Variants in PAFAH1B2 observed in about 807,000 individuals in gnomAD.
The protein encoded by PAFAH1B2 is platelet-activating factor acetylhydrolase IB subunit alpha2.
A neutral mutation model predicts 28.0 loss-of-function variants in PAFAH1B2; 8 were observed. The ratio of observed to expected loss-of-function variants is 0.29; its 90% CI spans 0.17 to 0.52. The LOEUF is 0.52. PAFAH1B2 is among the 20% of genes least tolerant of loss of function. The pLI is 0.97. For missense variants in PAFAH1B2, 190 were observed against 282.6 expected, an observed-to-expected ratio of 0.67 and a Z score of 2.35; for synonymous variants, 104 against 103.2, an observed-to-expected ratio of 1.01 and a Z score of -0.05.
Position 117,161,269 on chromosome 11 carries a change from G to T in PAFAH1B2, c.288+8G>T, listed in dbSNP as rs1296346658. The T allele has an allele frequency of 7.0e-7, 1 of 1,431,282 alleles. No homozygotes were observed. Among genetic ancestry groups the T allele is most frequent in the South Asian group, 1.3e-5 (1 of 78,392 alleles). 88.7% of individuals were successfully genotyped at this position (1,431,282 alleles called of 1,614,324 possible). A position where few individuals can be genotyped will look rare whatever the true frequency, so the allele number is the denominator to read the frequency against. On this transcript the variant is annotated splice_region_variant and intron_variant, in intron 4 of 5. Coordinates refer to ENST00000527958, the MANE Select transcript of PAFAH1B2 (RefSeq NM_002572.4). The stretch of plus-strand genomic sequence containing the variant: ...GAGAATATTAAGCCTAAGGTGAAAT[G>T]AAAGTTACTTGTCAATGTCATTAAT...
rs1956612296 is a variant in PAFAH1B2, at chr11:117,170,030, C to T, written c.*2331C>T. On this transcript the variant is annotated 3_prime_UTR_variant, in exon 6 of 6. Transcript: ENST00000527958. ...AGCTATTCAAGCAATAGTATTTGAA[C>T]CACTAGCCTTTTAAATAAAATTCTG... The T allele has an allele frequency of 9.5e-7, 1 of 1,054,482 alleles. No homozygotes were observed. Among genetic ancestry groups the T allele is most frequent in the Admixed American group, 5.4e-5 (1 of 18,360 alleles). The allele number at this position is 1,054,482 out of a possible 1,614,324, so 65.3% of individuals were successfully genotyped here. A position where few individuals can be genotyped will look rare whatever the true frequency, so the allele number is the denominator to read the frequency against.
chr11:117,175,183 G>A (rs2029904600), downstream of PAFAH1B2: 2 of 1,133,052 alleles, frequency 1.8e-6, no homozygotes, highest in Non-Finnish European at 2.2e-6. Context: ...TGAGCTCTTT[G>A]TATATTATGC....
intron 4 of PAFAH1B2, among the ~76,000 whole-genome samples, chr11:117,162,433 C>T (rs1337988510): frequency 6.8e-6 from 1 of 146,154 alleles, no homozygotes; most frequent in Non-Finnish European, 1.5e-5. Context: ...CTTGAGCTAC[C>T]ATGCGAGACT....
At chr11:117,165,504 A>G (rs1464965549) in intron 5 of PAFAH1B2, among the ~76,000 whole-genome samples, 4 of 152,224 alleles carry the variant, frequency 2.6e-5, no homozygotes, top group Non-Finnish European at 4.4e-5. Flanking sequence ...ACAAGGCACT[A>G]TCCTAGTTCT....
intron 4 of PAFAH1B2, 32 bp downstream of exon 4, chr11:117,161,293 A>G: frequency 1.5e-6 from 2 of 1,303,404 alleles, no homozygotes; most frequent in Non-Finnish European, 1.1e-6. Context: ...AATGTCATTA[A>G]TCTTAAGTCT....
chr11:117,175,456 C>T, downstream of PAFAH1B2: 6 of 1,073,948 alleles, frequency 5.6e-6, no homozygotes, highest in Non-Finnish European at 6.8e-6. Flanking sequence ...GCTGCCCTCC[C>T]ACTCTGTAGA....
Position 117,168,446 on chromosome 11 carries a change from G to GTTTTTTGTT in PAFAH1B2, c.*753_*754insGTTTTTTTT, listed in dbSNP as rs1956565765. 67 of 235,930 alleles carry GTTTTTTGTT rather than the reference G, an allele frequency of 2.8e-4. No homozygotes were observed. Among genetic ancestry groups the GTTTTTTGTT allele is most frequent in the Non-Finnish European group, 3.1e-4 (62 of 201,192 alleles). The allele number at this position is 235,930 out of a possible 1,614,324, so 14.6% of individuals were successfully genotyped here. A position where few individuals can be genotyped will look rare whatever the true frequency, so the allele number is the denominator to read the frequency against. On this transcript the variant is annotated 3_prime_UTR_variant, in exon 6 of 6. Transcript: ENST00000527958. ...TCCCCTTCATTCCCCCCGCCACCCC[G>GTTTTTTGTT]TTTTTTTTTTTTTTTTTTTTTTTTT...
At position 117,168,445 on chromosome 11, in the gene PAFAH1B2, C is replaced by CCTTT. The variant is rs1565274998; in HGVS notation, c.*746_*747insCTTT. ...TTCCCCTTCATTCCCCCCGCCACCC[C>CCTTT]GTTTTTTTTTTTTTTTTTTTTTTTT... On this transcript the variant is annotated 3_prime_UTR_variant, in exon 6 of 6. Coordinates refer to ENST00000527958, the MANE Select transcript of PAFAH1B2 (RefSeq NM_002572.4). The CCTTT allele has an allele frequency of 1.8e-4, 64 of 354,166 alleles. No homozygotes were observed. The highest frequency in any genetic ancestry group is 5.7e-4 in the Admixed American group (2 of 3,530). The allele number at this position is 354,166 out of a possible 1,614,324, so 21.9% of individuals were successfully genotyped here.
At chr11:117,161,826 G>C (rs1956376942) in intron 4 of PAFAH1B2, among the ~76,000 whole-genome samples, 1 of 152,026 alleles carries the variant, frequency 6.6e-6, no homozygotes, top group African/African-American at 2.4e-5. Context: ...GAGATTTGAT[G>C]CTAACGAGGT....
intron 5 of PAFAH1B2, among the ~76,000 whole-genome samples, chr11:117,167,079 T>C (rs954472111): frequency 6.6e-6 from 1 of 152,106 alleles, no homozygotes; most frequent in African/African-American, 2.4e-5. Context: ...TTTGGATCAG[T>C]TGGGAGTGCC....
downstream of PAFAH1B2, among the ~76,000 whole-genome samples, chr11:117,172,823 C>T (rs1337816475): frequency 6.6e-6 from 1 of 152,146 alleles, no homozygotes; most frequent in Non-Finnish European, 1.5e-5. Context: ...TGTGCCTCAG[C>T]CTACTGAGTA....
intron 1 of PAFAH1B2, among the ~76,000 whole-genome samples, chr11:117,146,647 T>TACGCCACTTCACTCCAGCTA (rs1555027152): frequency 1.3e-5 from 2 of 152,026 alleles, no homozygotes; most frequent in African/African-American, 2.4e-5. Flanking sequence ...TGAGCTGTGT[T>TACGCCACTTCACTCCAGCTA]ACGCCACTTC....
chr11:117,168,446 G>GTTTGGTGTTTTTTTTTTTTTTTTTTTT lies in PAFAH1B2; in HGVS notation c.*750_*751insGGTGTTTTTTTTTTTTTTTTTTTTTTT. ...TCCCCTTCATTCCCCCCGCCACCCC[G>GTTTGGTGTTTTTTTTTTTTTTTTTTTT]TTTTTTTTTTTTTTTTTTTTTTTTT... is the stretch of plus-strand genomic sequence containing the variant. On this transcript the variant is annotated 3_prime_UTR_variant, in exon 6 of 6. Coordinates refer to ENST00000527958, the MANE Select transcript of PAFAH1B2 (RefSeq NM_002572.4). 4.3e-6 allele frequency: 1 copy of GTTTGGTGTTTTTTTTTTTTTTTTTTTT among 234,820 alleles called. No homozygotes were observed. Among genetic ancestry groups the GTTTGGTGTTTTTTTTTTTTTTTTTTTT allele is most frequent in the Non-Finnish European group, 5.0e-6 (1 of 200,708 alleles). 14.5% of individuals were successfully genotyped at this position (234,820 alleles called of 1,614,324 possible).
intron 1 of PAFAH1B2, among the ~76,000 whole-genome samples, chr11:117,145,006 C>T (rs1015552005): frequency 6.6e-6 from 1 of 152,120 alleles, no homozygotes; most frequent in Non-Finnish European, 1.5e-5. Flanking sequence ...TTCTCCGTTG[C>T]CTCTTAGGAT....
intron 2 of PAFAH1B2, among the ~76,000 whole-genome samples, chr11:117,154,932 G>A (rs562198543): frequency 1.4e-4 from 22 of 152,116 alleles, no homozygotes; most frequent in Admixed American, 2.6e-4. Flanking sequence ...GAATGGAGAT[G>A]TTATTCTCTC....
downstream of PAFAH1B2, among the ~76,000 whole-genome samples, chr11:117,172,392 ATATATATATATATTTTTTTTTTTTTTT>A (rs1956687792): frequency 1.6e-3 from 3 of 1,924 alleles, no homozygotes; most frequent in Admixed American, 6.5e-3. Flanking sequence ...ATATATATAT[ATATATATATATATTTTTTTTTTTTTTT>A]TTTTTTTTTT....
intron 1 of PAFAH1B2, among the ~76,000 whole-genome samples, chr11:117,145,552 GA>G (rs965745090): frequency 7.2e-5 from 11 of 152,316 alleles, no homozygotes; most frequent in African/African-American, 2.6e-4. Context: ...ACATTGTTCT[GA>G]CATAAAGGTT....
In PAFAH1B2 at chr11:117,170,442, C is replaced by A. The variant is rs1228602326; in HGVS notation, c.*2743C>A. 9.4e-7 allele frequency: 1 copy of A among 1,059,566 alleles called. No individual in the cohort carries two copies. Among genetic ancestry groups the A allele is most frequent in the African/African-American group, 1.7e-5 (1 of 60,382 alleles). The allele number at this position is 1,059,566 out of a possible 1,614,324, so 65.6% of individuals were successfully genotyped here. ...TTGAAGATGTACTGCCACGGGTGAT[C>A]TAGGGCAGGCTGTCTTCCAGTCCAT... On this transcript the variant is annotated 3_prime_UTR_variant, in exon 6 of 6. Coordinates refer to ENST00000527958, the MANE Select transcript of PAFAH1B2 (RefSeq NM_002572.4).
chr11:117,156,695 C>T (rs1249978219), intron 2 of PAFAH1B2, among the ~76,000 whole-genome samples: 3 of 152,122 alleles, frequency 2.0e-5, no homozygotes, highest in African/African-American at 7.2e-5. Flanking sequence ...AATTCCACGA[C>T]TCTACAAATG....
Sources: gnomAD v4.1 joint callset for allele counts (sites outside exome capture counted in the v4.1 genomes callset) on GRCh38, gnomAD v4.1.1 for gene constraint, MANE v1.5 for transcripts, NCBI Gene and HGNC (gene_info 2026-07-23, HGNC 2026-07-21) for gene names.